The following IFT88 variants were observed in gnomAD, a reference collection of about 807,000 sequenced individuals.
IFT88 encodes the protein intraflagellar transport protein 88 homolog.
A neutral mutation model predicts 119.5 loss-of-function variants in IFT88; 74 were observed. That is an observed-to-expected ratio of 0.62 (90% CI 0.51 to 0.75). IFT88 has a LOEUF of 0.75. IFT88 is among the 30% of genes least tolerant of loss of function. The pLI is 0.00. For synonymous variants in IFT88, 279 were observed against 316.7 expected, an observed-to-expected ratio of 0.88 and a Z score of 1.26; for missense variants, 961 against 977.7, an observed-to-expected ratio of 0.98 and a Z score of 0.23.
Position 20,631,100 on chromosome 13 carries a change from A to G in IFT88, c.1384A>G (p.Met462Val), listed in dbSNP as rs753871853. The change falls in exon 16 of 26, where the codon ATG (methionine) becomes GTG (valine). Residue 462 changes from methionine (M) to valine (V), a missense_variant and splice_region_variant. Physicochemically the swap from Met to Val is conservative, Grantham distance 21. Coordinates refer to ENST00000351808, the MANE Select transcript of IFT88 (RefSeq NM_006531.5). ...AATNLSALYY[M>V]GKDFAQASSY... The stretch of plus-strand genomic sequence containing the variant: ...AACCAATCTCTCAGCCCTGTATTAT[A>G]TGGTAAGTTTTTTTACTACTAAGAG... 3.1e-5 allele frequency: 50 copies of G among 1,589,612 alleles called. No homozygotes were observed. The highest frequency in any genetic ancestry group is 4.2e-5 in the Non-Finnish European group (49 of 1,157,716).
chr13:20,628,711 G>A (rs9506529), intron 15 of IFT88, among the ~76,000 whole-genome samples: 60,444 of 151,922 alleles, frequency 0.4, 13,825 homozygotes, highest in Non-Finnish European at 0.52. Flanking sequence ...GTTTAGAAAC[G>A]TATAATATGA....
intron 24 of IFT88, among the ~76,000 whole-genome samples, 161 bp downstream of exon 24, chr13:20,671,200 G>T (rs1306444569): frequency 6.6e-6 from 1 of 152,168 alleles, no homozygotes; most frequent in East Asian, 1.9e-4. Flanking sequence ...CAGTCAGTCT[G>T]ATATGTAAAT....
At chr13:20,671,142 C>A (rs1455182903) in intron 24 of IFT88, 103 bp downstream of exon 24, 2 of 879,354 alleles carry the variant, frequency 2.3e-6, no homozygotes, top group South Asian at 1.7e-5. Flanking sequence ...ATGTGTCTGT[C>A]GGTTTGTTCT....
At chr13:20,639,638 C>G (rs1434593204) in intron 17 of IFT88, among the ~76,000 whole-genome samples, 2 of 152,124 alleles carry the variant, frequency 1.3e-5, no homozygotes, top group Non-Finnish European at 2.9e-5. Flanking sequence ...CAAAGGTCTT[C>G]ATGCAGGAGC....
chr13:20,668,098 C>G (rs993816632), intron 23 of IFT88, among the ~76,000 whole-genome samples: 2 of 152,210 alleles, frequency 1.3e-5, no homozygotes, highest in African/African-American at 4.8e-5. Context: ...TTCCTTTGCA[C>G]TGCACTGAGG....
intron 11 of IFT88, 150 bp downstream of exon 11, chr13:20,599,715 A>C (rs2042286379): frequency 1.9e-6 from 1 of 538,194 alleles, no homozygotes; most frequent in East Asian, 3.3e-5. Context: ...TTCCCTTCTT[A>C]CTACTTGTAC....
At position 20,691,334 on chromosome 13, in the gene IFT88, TC is replaced by T. The variant is rs2058446718; in HGVS notation, c.*160del. 1 of 617,936 alleles carries T rather than the reference TC, an allele frequency of 1.6e-6. No individual in the cohort carries two copies. The highest frequency in any genetic ancestry group is 1.9e-5 in the African/African-American group (1 of 53,474). The allele number at this position is 617,936 out of a possible 1,614,324, so 38.3% of individuals were successfully genotyped here. On this transcript the variant is annotated 3_prime_UTR_variant, in exon 26 of 26. Transcript: ENST00000351808. ...TATGTATGCATTTAAGTTGTTTTTT[TC>T]TTTTAAGGAATAAAAACAGGTAAAA... is the stretch of plus-strand genomic sequence containing the variant.
chr13:20,591,134 T>C (rs1375818560), intron 5 of IFT88, 114 bp downstream of exon 5: 9 of 703,042 alleles, frequency 1.3e-5, no homozygotes, highest in African/African-American at 5.5e-5. Flanking sequence ...ATATTACTTA[T>C]ATAGTGACCC....
chr13:20,646,325 C>T (rs1202215334), intron 20 of IFT88, among the ~76,000 whole-genome samples: 1 of 146,942 alleles, frequency 6.8e-6, no homozygotes, highest in Non-Finnish European at 1.5e-5. Context: ...AGACAGAGGA[C>T]GGAGTCTTGC....
intron 1 of IFT88, among the ~76,000 whole-genome samples, chr13:20,569,921 T>C (rs990945293): frequency 2.0e-5 from 3 of 151,786 alleles, no homozygotes; most frequent in Admixed American, 2.0e-4. Flanking sequence ...GGCGGGTGCC[T>C]GTAGTCCCAG....
intron 23 of IFT88, among the ~76,000 whole-genome samples, chr13:20,665,145 T>C (rs564057912): frequency 2.7e-4 from 41 of 152,126 alleles, no homozygotes; most frequent in Non-Finnish European, 5.1e-4. Context: ...ATATATTCAA[T>C]TTTTAAATCA....
chr13:20,576,901 A>G (rs2037489425), intron 2 of IFT88, among the ~76,000 whole-genome samples: 1 of 152,158 alleles, frequency 6.6e-6, no homozygotes, highest in East Asian at 1.9e-4. Flanking sequence ...TTCTGTGAAT[A>G]ATGACATTGG....
At chr13:20,633,217 AG>A (rs769326204) in intron 16 of IFT88, among the ~76,000 whole-genome samples, 3 of 152,256 alleles carry the variant, frequency 2.0e-5, no homozygotes, top group Non-Finnish European at 4.4e-5. Flanking sequence ...TATCAAGGAA[AG>A]AGGTTTAATT....
chr13:20,666,966 T>G (rs983857831), intron 23 of IFT88, among the ~76,000 whole-genome samples: 4 of 152,208 alleles, frequency 2.6e-5, no homozygotes, highest in African/African-American at 7.2e-5. Flanking sequence ...ATGAGATTTT[T>G]ACAAAAAATA....
intron 13 of IFT88, among the ~76,000 whole-genome samples, chr13:20,606,945 A>C (rs1265502839): frequency 6.6e-6 from 1 of 152,188 alleles, no homozygotes; most frequent in African/African-American, 2.4e-5. Context: ...AGGACATTGA[A>C]TGATGCTTTT....
At chr13:20,658,915 C>G (rs575762835) in intron 22 of IFT88, among the ~76,000 whole-genome samples, 1 of 152,232 alleles carries the variant, frequency 6.6e-6, no homozygotes, top group African/African-American at 2.4e-5. Context: ...CTCTAAGAAT[C>G]AAATGAATGA....
In IFT88 at chr13:20,574,459, C is replaced by T; in HGVS notation, c.74C>T (p.Pro25Leu). ...DLYSGYNDYN[P>L]IYDIEELEND... The stretch of plus-strand genomic sequence containing the variant: ...TATTCCGGCTATAATGACTACAATC[C>T]AATCTATGATATCGAGGTAACAAAA... The change falls in exon 2 of 26, where the codon CCA (proline) becomes CTA (leucine). Residue 25 changes from proline (P) to leucine (L), a missense_variant. Pro to Leu is a moderately conservative substitution (Grantham distance 98, BLOSUM62 -3). Transcript: ENST00000351808. 1 of 1,596,240 alleles carries T rather than the reference C, an allele frequency of 6.3e-7. No individual in the cohort carries two copies. The highest frequency in any genetic ancestry group is 8.6e-7 in the Non-Finnish European group (1 of 1,165,490).
intron 16 of IFT88, among the ~76,000 whole-genome samples, chr13:20,633,438 C>T (rs1364444992): frequency 6.6e-6 from 1 of 152,134 alleles, no homozygotes; most frequent in Non-Finnish European, 1.5e-5. Flanking sequence ...TGTCTTCCAC[C>T]CAGTTTCCAG....
chr13:20,684,492 G>C (rs977709141), intron 24 of IFT88, among the ~76,000 whole-genome samples: 1 of 152,058 alleles, frequency 6.6e-6, no homozygotes, highest in Non-Finnish European at 1.5e-5. Flanking sequence ...ATATAGAAAG[G>C]CTCCAAGGTG....
Sources: gnomAD v4.1 joint callset for allele counts (sites outside exome capture counted in the v4.1 genomes callset) on GRCh38, gnomAD v4.1.1 for gene constraint, MANE v1.5 for transcripts, NCBI Gene and HGNC (gene_info 2026-07-23, HGNC 2026-07-21) for gene names.